ZNF608: variants seen among roughly 807,000 people sequenced by gnomAD.
ZNF608 encodes the protein zinc finger protein 608, also known as renal carcinoma antigen NY-REN-36.
In ZNF608, 12 loss-of-function variants were observed where a neutral mutation model predicts 109.0. The ratio of observed to expected loss-of-function variants is 0.11; its 90% CI spans 0.07 to 0.18. The LOEUF (loss-of-function observed/expected upper bound fraction) is 0.18, where lower values mean the gene tolerates loss of function less well. Ranked by LOEUF, ZNF608 falls within the 10% of genes least tolerant of loss-of-function variation. The pLI, the probability that ZNF608 is intolerant of heterozygous loss-of-function variation, is 1.00. For synonymous variants in ZNF608, 732 were observed against 717.4 expected (o/e 1.02, Z -0.33); for missense variants, 1,707 against 1,879.3 (o/e 0.91, Z 1.70).
chr5:124,657,015 G>A (rs147378587), intron 3 of ZNF608, among the ~76,000 whole-genome samples: 107 of 152,172 alleles, frequency 7.0e-4, no homozygotes, highest in African/African-American at 2.4e-3. Flanking sequence ...CTAGACTCTC[G>A]CTTATTCACT....
chr5:124,701,823 A>C (rs2149851295), intron 2 of ZNF608, among the ~76,000 whole-genome samples: 1 of 152,344 alleles, frequency 6.6e-6, no homozygotes, highest in South Asian at 2.1e-4. Context: ...TATTGTTAGC[A>C]TGTATTAAGC....
intron 2 of ZNF608, among the ~76,000 whole-genome samples, chr5:124,720,912 T>C (rs1470836043): frequency 6.6e-6 from 1 of 151,178 alleles, no homozygotes; most frequent in African/African-American, 2.4e-5. Context: ...CTATATGTTA[T>C]AATAAACGCT....
intron 2 of ZNF608, among the ~76,000 whole-genome samples, chr5:124,724,609 CGT>C (rs113446719): frequency 0.039 from 5,637 of 145,650 alleles, 217 homozygotes; most frequent in African/African-American, 0.1. Context: ...TTCAACAGCA[CGT>C]GTGTGTGTGT....
intron 3 of ZNF608, among the ~76,000 whole-genome samples, chr5:124,691,859 C>G (rs1168365064): frequency 6.6e-6 from 1 of 151,642 alleles, no homozygotes; most frequent in African/African-American, 2.4e-5. Flanking sequence ...TTTAGTTGTT[C>G]AAGATAACTA....
intron 2 of ZNF608, among the ~76,000 whole-genome samples, chr5:124,732,212 A>G (rs1262433888): frequency 6.6e-6 from 1 of 152,354 alleles, no homozygotes; most frequent in South Asian, 2.1e-4. Context: ...TAAAAGTTCA[A>G]TGTATCAAAT....
chr5:124,658,241 A>T (rs2149800146), intron 3 of ZNF608, among the ~76,000 whole-genome samples: 1 of 152,296 alleles, frequency 6.6e-6, no homozygotes, highest in South Asian at 2.1e-4. Flanking sequence ...CTGTACCCCA[A>T]AAGGGATGGC....
intron 6 of ZNF608, 116 bp downstream of exon 6, chr5:124,644,127 TA>T: frequency 4.0e-6 from 4 of 993,116 alleles, no homozygotes; most frequent in Non-Finnish European, 4.3e-6. Flanking sequence ...TTAAACAGCA[TA>T]AAAACAAGGA....
chr5:124,692,627 A>G (rs929072206), intron 3 of ZNF608, among the ~76,000 whole-genome samples: 2 of 152,154 alleles, frequency 1.3e-5, no homozygotes, highest in African/African-American at 4.8e-5. Context: ...AATAGACAGG[A>G]ACTTTTGTGA....
Position 124,701,232 on chromosome 5 carries a change from G to A in ZNF608, c.944C>T (p.Pro315Leu), listed in dbSNP as rs1359015505. The change falls in exon 3 of 10, where the codon CCG becomes CTG. Residue 315 changes from proline to leucine, a missense_variant. Physicochemically the swap from Pro to Leu is moderately conservative, Grantham distance 98 (BLOSUM62 -3). Coordinates refer to ENST00000513986, the MANE Select transcript of ZNF608 (RefSeq NM_020747.3). ...CTGAGGCGTGAGACTGCTGGAAATC[G>A]GCGGTGGTGGCGCTGGCACTGTAAA... is the stretch of plus-strand genomic sequence containing the variant. ...PLFTVPAPPP[P>L]ISSSLTPQIL... 33 of 1,614,124 alleles carry A rather than the reference G, an allele frequency of 2.0e-5. No homozygotes were observed. The highest frequency in any genetic ancestry group is 2.5e-5 in the Non-Finnish European group (30 of 1,180,008).
intron 2 of ZNF608, among the ~76,000 whole-genome samples, chr5:124,742,822 T>C (rs1749468681): frequency 6.6e-6 from 1 of 152,150 alleles, no homozygotes; most frequent in African/African-American, 2.4e-5. Flanking sequence ...ACAGAAATAA[T>C]TCTCCAAAGA....
chr5:124,644,991 A>C (rs1750432276), intron 5 of ZNF608, among the ~76,000 whole-genome samples: 1 of 152,228 alleles, frequency 6.6e-6, no homozygotes, highest in Non-Finnish European at 1.5e-5. Flanking sequence ...TGGGCCCTTA[A>C]TGTCATTTCT....
intron 3 of ZNF608, among the ~76,000 whole-genome samples, chr5:124,662,710 C>T (rs540116524): frequency 6.6e-5 from 10 of 152,300 alleles, no homozygotes; most frequent in South Asian, 2.1e-4. Flanking sequence ...TCATCATCAG[C>T]GTGTGTTTTA....
rs1749574310 is a variant in ZNF608, at chr5:124,744,761, C to T, written c.229G>A (p.Ala77Thr). The T allele has an allele frequency of 3.1e-6, 5 of 1,614,224 alleles. No individual in the cohort carries two copies. The highest frequency in any genetic ancestry group is 4.2e-6 in the Non-Finnish European group (5 of 1,180,040). Residue 77 changes from alanine (A) to threonine (T), a missense_variant, in exon 2 of 10, where the codon GCA becomes ACA. Ala to Thr is a moderately conservative substitution (Grantham distance 58, BLOSUM62 0). Coordinates refer to ENST00000513986, the MANE Select transcript of ZNF608 (RefSeq NM_020747.3). This position sits in a 1 kb window ranked among gnomAD's most constrained non-coding sequence, Gnocchi z 4.5. ...GPASSGAGAT[A>T]ALADGLKFAS... ...AATTTTAGGCCATCAGCTAAGGCTG[C>T]GGTAGCACCAGCCCCACTGGAGGCC...
chr5:124,710,574 G>C (rs1753450172), intron 2 of ZNF608: 1 of 167,576 alleles, frequency 6.0e-6, no homozygotes, highest in South Asian at 1.4e-4. Flanking sequence ...CACTATCTTG[G>C]TACCACTCAC....
chr5:124,661,730 T>C (rs1452617378), intron 3 of ZNF608, among the ~76,000 whole-genome samples: 1 of 152,152 alleles, frequency 6.6e-6, no homozygotes, highest in East Asian at 1.9e-4. Context: ...TATTTCTATA[T>C]ACTCTGTGTG....
intron 3 of ZNF608, among the ~76,000 whole-genome samples, chr5:124,679,272 T>C (rs1274850086): frequency 6.6e-6 from 1 of 152,154 alleles, no homozygotes; most frequent in Non-Finnish European, 1.5e-5. Context: ...TTGAGCAACA[T>C]GGGAGGGAGC....
intron 2 of ZNF608, among the ~76,000 whole-genome samples, chr5:124,743,833 G>C (rs1749522424): frequency 1.3e-5 from 2 of 149,704 alleles, no homozygotes; most frequent in Admixed American, 6.8e-5. Context: ...TCCCACCTGG[G>C]AACCCAAACA....
Position 124,639,119 on chromosome 5 carries a change from T to C in ZNF608, c.4532+14A>G, listed in dbSNP as rs757608313. 1.9e-6 allele frequency: 3 copies of C among 1,612,162 alleles called. No homozygotes were observed. The East Asian group carries it at 6.7e-5, about 36-fold the overall frequency. On this transcript the variant is annotated intron_variant, in intron 9 of 9. Transcript: ENST00000513986. ...TTCTATCTACAACTAATTAAAAATG[T>C]AGAGGATATTTACCTTCTTTGTCCA...
chr5:124,697,877 G>A lies in ZNF608; in HGVS notation c.1162+3137C>T, dbSNP rs142431383. 7.1e-3 allele frequency among the ~76,000 whole-genome samples: 1,080 copies of A among 152,176 alleles called. 15 individuals carry two copies. Among genetic ancestry groups the A allele is most frequent in the African/African-American group, 0.024 (1,009 of 41,502 alleles). ...CAGGCATGAACTCTTAAAATTCTAG[G>A]ATCTTAAAACACACACACATATATG... On this transcript the variant is annotated intron_variant, in intron 3 of 9. Coordinates refer to ENST00000513986, the MANE Select transcript of ZNF608 (RefSeq NM_020747.3).
Sources: allele counts gnomAD v4.1 joint callset (sites outside exome capture counted in the v4.1 genomes callset), GRCh38; gene constraint gnomAD v4.1.1; non-coding constraint Gnocchi (gnomAD v3.1); transcripts MANE v1.5; gene names NCBI Gene and HGNC (gene_info 2026-07-23, HGNC 2026-07-21).